ETFA: variants seen among roughly 807,000 people sequenced by gnomAD.
The protein encoded by ETFA is electron transfer flavoprotein subunit alpha, mitochondrial.
A neutral mutation model predicts 46.2 loss-of-function variants in ETFA; 22 were observed. The observed-to-expected ratio is 0.48, with a 90% CI of 0.34 to 0.68. The LOEUF (loss-of-function observed/expected upper bound fraction) is 0.68, where lower values mean the gene tolerates loss of function less well. ETFA is among the 30% of genes least tolerant of loss of function. The pLI is 0.01. For synonymous variants in ETFA, 131 were observed against 139.9 expected (o/e 0.94, Z 0.45); for missense variants, 345 against 401.1 (o/e 0.86, Z 1.19).
intron 11 of ETFA, 56 bp from the exon 12 acceptor site, chr15:76,216,653 C>A: frequency 8.8e-7 from 1 of 1,134,048 alleles, no homozygotes; most frequent in Non-Finnish European, 1.3e-6. Context: ...GTGATATGGT[C>A]ACAGCTCCGT....
At chr15:76,263,645 C>G (rs2456075) in intron 9 of ETFA, among the ~76,000 whole-genome samples, 9 of 151,806 alleles carry the variant, frequency 5.9e-5, no homozygotes, top group Admixed American at 4.6e-4. Flanking sequence ...TGGGAGACAA[C>G]GGGAAGAGAT....
chr15:76,229,532 C>A (rs1036638688), intron 10 of ETFA, among the ~76,000 whole-genome samples: 2 of 152,188 alleles, frequency 1.3e-5, no homozygotes, highest in Non-Finnish European at 2.9e-5. Flanking sequence ...TTTAGAGAAG[C>A]AGAATTCTAG....
chr15:76,258,160 T>TA (rs1303610950), intron 9 of ETFA, among the ~76,000 whole-genome samples: 2 of 143,950 alleles, frequency 1.4e-5, no homozygotes, highest in Non-Finnish European at 3.0e-5. Context: ...CCCTAAAACT[T>TA]AAAGTATAAT....
intron 7 of ETFA, 135 bp from the exon 8 acceptor site, chr15:76,283,960 C>T (rs1269927130): frequency 1.5e-6 from 1 of 652,464 alleles, no homozygotes; most frequent in Non-Finnish European, 2.8e-6. Flanking sequence ...CCTCTATAAA[C>T]CTTTTCTGGC....
At chr15:76,265,038 C>T (rs534543653) in intron 9 of ETFA, among the ~76,000 whole-genome samples, 5 of 152,338 alleles carry the variant, frequency 3.3e-5, no homozygotes, top group South Asian at 2.1e-4. Context: ...GAGGCATATC[C>T]GGCACAGCCA....
chr15:76,229,528 G>C (rs757070540), intron 10 of ETFA, among the ~76,000 whole-genome samples: 1 of 152,230 alleles, frequency 6.6e-6, no homozygotes, highest in Non-Finnish European at 1.5e-5. Context: ...TATTTTTAGA[G>C]AAGCAGAATT....
At chr15:76,260,497 G>C (rs2039398342) in intron 9 of ETFA, 1 of 1,538,778 alleles carries the variant, frequency 6.5e-7, no homozygotes, top group Non-Finnish European at 9.0e-7. Context: ...TGACTCCAGG[G>C]TCCACAGCCA....
At chr15:76,288,578 T>C (rs1257138766) in intron 4 of ETFA, among the ~76,000 whole-genome samples, 1 of 151,940 alleles carries the variant, frequency 6.6e-6, no homozygotes, top group East Asian at 1.9e-4. Flanking sequence ...TGGTGGTGTA[T>C]GCCTGTAGTC....
chr15:76,269,305 T>G (rs550402607), intron 9 of ETFA, among the ~76,000 whole-genome samples: 1 of 152,182 alleles, frequency 6.6e-6, no homozygotes, highest in Non-Finnish European at 1.5e-5. Context: ...TAAAAGAGTT[T>G]TGGAATATGT....
intron 9 of ETFA, among the ~76,000 whole-genome samples, chr15:76,246,688 C>A (rs1420574406): frequency 2.6e-5 from 4 of 151,790 alleles, no homozygotes; most frequent in Non-Finnish European, 5.9e-5. Flanking sequence ...AAAAAATTAG[C>A]CGGGCGTGGT....
At chr15:76,309,311 C>T (rs1394392671) in intron 1 of ETFA, among the ~76,000 whole-genome samples, 5 of 152,088 alleles carry the variant, frequency 3.3e-5, no homozygotes, top group African/African-American at 7.2e-5. Flanking sequence ...ATTAGCGGGG[C>T]GTGGTGGCGG....
rs956779892 is a variant in ETFA, at chr15:76,258,973, C to T, written c.816+15439G>A. 4 of 1,587,598 alleles carry T rather than the reference C, an allele frequency of 2.5e-6. No individual in the cohort carries two copies. The Admixed American group carries it at 5.0e-5, about 20-fold the overall frequency. On this transcript the variant is annotated intron_variant, in intron 9 of 11. Transcript: ENST00000557943. The stretch of plus-strand genomic sequence containing the variant: ...GAGCCAGCCAAATTGCCCTGATGCC[C>T]TCTGCCTGTGAGCTAACAGCTATTG...
intron 9 of ETFA, among the ~76,000 whole-genome samples, chr15:76,232,731 C>T (rs1221475519): frequency 6.6e-6 from 1 of 152,182 alleles, no homozygotes. Context: ...ATTCACCTCT[C>T]AGGGGCTCAC....
At chr15:76,254,558 G>A (rs549147726) in intron 9 of ETFA, among the ~76,000 whole-genome samples, 25 of 152,178 alleles carry the variant, frequency 1.6e-4, no homozygotes, top group African/African-American at 4.6e-4. Context: ...GGATAACCCC[G>A]AGAGCCCCAA....
intron 9 of ETFA, among the ~76,000 whole-genome samples, chr15:76,266,361 C>T (rs1018565556): frequency 2.0e-5 from 3 of 152,154 alleles, no homozygotes; most frequent in Middle Eastern, 3.4e-3. Flanking sequence ...TTAAATAGCC[C>T]GACTATTTGT....
intron 9 of ETFA, among the ~76,000 whole-genome samples, chr15:76,240,165 T>A (rs1463816139): frequency 6.6e-6 from 1 of 152,184 alleles, no homozygotes; most frequent in South Asian, 2.1e-4. Flanking sequence ...TGGTTCCAAA[T>A]AACTGCTAAA....
chr15:76,287,756 T>G, intron 5 of ETFA, 90 bp downstream of exon 5: 1 of 977,568 alleles, frequency 1.0e-6, no homozygotes, highest in Admixed American at 2.0e-5. Flanking sequence ...AGCAATTGTA[T>G]GGTTTGATTT....
rs181946850 is a variant in ETFA at position 76,219,163 on chromosome 15, G to T, written c.964-2566C>A. 6.4e-4 allele frequency among the ~76,000 whole-genome samples: 97 copies of T among 152,294 alleles called. 1 individual carries two copies. Among genetic ancestry groups the T allele is most frequent in the Non-Finnish European group, 2.9e-5 (2 of 68,028 alleles). On this transcript the variant is annotated intron_variant, in intron 11 of 11. Coordinates refer to ENST00000557943, the MANE Select transcript of ETFA (RefSeq NM_000126.4). ...AGATTGTAGTGACTACAGGGGAGAA[G>T]AGGAAACAAAAGAAGGTTTAGAAAG...
At chr15:76,266,368 T>C (rs974497944) in intron 9 of ETFA, among the ~76,000 whole-genome samples, 4 of 152,208 alleles carry the variant, frequency 2.6e-5, no homozygotes, top group Non-Finnish European at 5.9e-5. Flanking sequence ...GCCCGACTAT[T>C]TGTCAAACTT....
Sources: allele counts gnomAD v4.1 joint callset (sites outside exome capture counted in the v4.1 genomes callset), GRCh38; gene constraint gnomAD v4.1.1; transcripts MANE v1.5; gene names NCBI Gene and HGNC (gene_info 2026-07-23, HGNC 2026-07-21).